Variants in ARHGAP44 observed in about 807,000 individuals in gnomAD.
ARHGAP44 encodes the protein Rho GTPase activating protein 44, also known as rho GTPase-activating protein 44.
ARHGAP44 carries 43 observed loss-of-function variants against 106.8 expected under a neutral mutation model. The observed-to-expected ratio is 0.40, with a 90% confidence interval of 0.32 to 0.52. The LOEUF (loss-of-function observed/expected upper bound fraction) is 0.52. ARHGAP44 is among the 20% of genes least tolerant of loss of function. The pLI, the probability that ARHGAP44 is intolerant of heterozygous loss-of-function variation, is 0.48. For missense variants in ARHGAP44, 866 were observed against 1,050.5 expected (o/e 0.82, Z 2.43); for synonymous variants, 439 against 410.3 (o/e 1.07, Z -0.85).
chr17:12,799,699 T>G (rs1354636726), intron 1 of ARHGAP44, among the ~76,000 whole-genome samples: 1 of 152,188 alleles, frequency 6.6e-6, no homozygotes, highest in Non-Finnish European at 1.5e-5. Context: ...CGTTCAGGTA[T>G]GCTCACTGCA....
In ARHGAP44 at chr17:12,986,673, CAAAAAAAAAAAAA is replaced by C. The variant is rs1045890803; in HGVS notation, c.2317+1782_2317+1794del. ...CTGGCAACAGAGCGAGACTCCATCTCAAAAAAAAAAAAAAAAAAAAAAAAAAAAAGAATGAGCA... is the reference window on the plus strand; with the variant it reads ...CTGGCAACAGAGCGAGACTCCATCTCAAAAAAAAAAAAAAAAGAATGAGCA... On this transcript the variant is annotated intron_variant, in intron 20 of 20. Coordinates refer to ENST00000379672, the MANE Select transcript of ARHGAP44 (RefSeq NM_014859.6). The C allele has an allele frequency of 0.03, 558 of 18,358 alleles. 21 individuals carry two copies. In the South Asian group the frequency reaches 0.32, roughly 10 times the overall value. 1.1% of individuals were successfully genotyped at this position (18,358 alleles called of 1,614,324 possible).
At chr17:12,895,554 G>T (rs112532460) in intron 2 of ARHGAP44, among the ~76,000 whole-genome samples, 3,911 of 152,182 alleles carry the variant, frequency 0.026, 177 homozygotes, top group African/African-American at 0.09. Context: ...ATTTTTTCTT[G>T]TAAATTTGTT....
At chr17:12,970,472 A>G (rs1453015475) in intron 16 of ARHGAP44, among the ~76,000 whole-genome samples, 2 of 151,878 alleles carry the variant, frequency 1.3e-5, no homozygotes, top group Non-Finnish European at 2.9e-5. Flanking sequence ...TAGGCTCCCT[A>G]CCTCCTGCTT....
At chr17:12,861,535 C>T (rs74999020) in intron 1 of ARHGAP44, among the ~76,000 whole-genome samples, 1,758 of 151,998 alleles carry the variant, frequency 0.012, 37 homozygotes, top group African/African-American at 0.04. Context: ...TGGCCCCTTC[C>T]GCCGTCTTCA....
chr17:12,915,271 A>G (rs956291386), intron 4 of ARHGAP44, among the ~76,000 whole-genome samples: 9 of 152,034 alleles, frequency 5.9e-5, no homozygotes, highest in Non-Finnish European at 1.2e-4. Flanking sequence ...ATAACTTTTT[A>G]CTTGAGTTTT....
chr17:12,920,521 C>G (rs900404666), intron 6 of ARHGAP44, among the ~76,000 whole-genome samples: 1 of 151,972 alleles, frequency 6.6e-6, no homozygotes, highest in East Asian at 1.9e-4. Context: ...AAGGTGGCAG[C>G]CTTACAGAGA....
intron 1 of ARHGAP44, among the ~76,000 whole-genome samples, chr17:12,811,597 A>G (rs10451237): frequency 0.11 from 17,381 of 152,190 alleles, 1,280 homozygotes; most frequent in African/African-American, 0.2. Flanking sequence ...TCAAAGGCCA[A>G]CTGTATATAC....
At position 12,991,170 on chromosome 17, in the gene ARHGAP44, C is replaced by T. The variant is rs1414885051; in HGVS notation, c.*999C>T. ...GCCGCTCATTTCCTTCTCATGAAGT[C>T]CCATCTGGTCATGGGGACGAGGGCC... On this transcript the variant is annotated 3_prime_UTR_variant, in exon 21 of 21. Transcript: ENST00000379672. 3 of 152,602 alleles carry T rather than the reference C, an allele frequency of 2.0e-5. No individual in the cohort carries two copies. The highest frequency in any genetic ancestry group is 7.2e-5 in the African/African-American group (3 of 41,452). The allele number at this position is 152,602 out of a possible 1,614,324, so 9.5% of individuals were successfully genotyped here. A position where few individuals can be genotyped will look rare whatever the true frequency, so the allele number is the denominator to read the frequency against.
At chr17:12,938,730 G>GT (rs2038624332) in intron 7 of ARHGAP44, among the ~76,000 whole-genome samples, 1 of 151,998 alleles carries the variant, frequency 6.6e-6, no homozygotes, top group South Asian at 2.1e-4. Flanking sequence ...TTATGAAAGG[G>GT]TTTTTTACCT....
chr17:12,921,542 T>C (rs1420957807), intron 6 of ARHGAP44, among the ~76,000 whole-genome samples: 1 of 152,190 alleles, frequency 6.6e-6, no homozygotes, highest in African/African-American at 2.4e-5. Flanking sequence ...AGACAGGGTC[T>C]CACTGTGTTG....
Position 12,974,149 on chromosome 17 carries a change from G to C in ARHGAP44, c.1602G>C (p.Arg534=), listed in dbSNP as rs1156850176. The C allele has an allele frequency of 2.6e-6, 4 of 1,561,746 alleles. No individual in the cohort carries two copies. In the South Asian group the frequency reaches 4.7e-5, roughly 18 times the overall value. ...CTCGAAGAGGCTCCTCGGCCGGTCG[G>C]AAAGTGTCCTGCGCCCCGCCCTCCA... ...WVARRGSSAG[R]KVSCAPPSMQ... is the part of the protein sequence containing the mutation. Residue 534 remains arginine, a synonymous_variant, in exon 18 of 21, where the codon CGG becomes CGC. Transcript: ENST00000379672.
intron 15 of ARHGAP44, among the ~76,000 whole-genome samples, chr17:12,957,655 C>G (rs1478259776): frequency 6.6e-6 from 1 of 152,112 alleles, no homozygotes; most frequent in Non-Finnish European, 1.5e-5. Context: ...GAGGGAGTTT[C>G]AGAGATGTTC....
At chr17:12,836,614 G>A (rs979158233) in intron 1 of ARHGAP44, among the ~76,000 whole-genome samples, 7 of 151,674 alleles carry the variant, frequency 4.6e-5, no homozygotes, top group South Asian at 2.1e-4. Flanking sequence ...CCGAGATCAC[G>A]CCACTGCACT....
chr17:12,823,238 G>A (rs368728851), intron 1 of ARHGAP44, among the ~76,000 whole-genome samples: 16 of 152,142 alleles, frequency 1.1e-4, no homozygotes, highest in African/African-American at 3.6e-4. Context: ...CTGAGTTGGA[G>A]GAGGTGACTC....
At chr17:12,903,136 AGAGAGTGT>A (rs2037440024) in intron 3 of ARHGAP44, among the ~76,000 whole-genome samples, 1 of 118,622 alleles carries the variant, frequency 8.4e-6, no homozygotes, top group Non-Finnish European at 1.8e-5. Context: ...GGAGAGAGAG[AGAGAGTGT>A]GTGTGTGTGT....
In ARHGAP44 at chr17:12,924,405, G is replaced by A. The variant is rs1231317723; in HGVS notation, c.465-4524G>A. ...ATACGCAAATTTCTTTTTTGTGTGT[G>A]ATAGGTTTGGTTTAGCAGTGCTTAA... is the stretch of plus-strand genomic sequence containing the variant. On this transcript the variant is annotated intron_variant, in intron 6 of 20. Transcript: ENST00000379672. Among the ~76,000 whole-genome samples the A allele has an allele frequency of 2.6e-5, 4 of 152,250 alleles. No individual in the cohort carries two copies. The East Asian group carries it at 7.7e-4, about 29-fold the overall frequency.
intron 16 of ARHGAP44, among the ~76,000 whole-genome samples, chr17:12,969,026 C>T (rs970211675): frequency 2.6e-5 from 4 of 152,136 alleles, no homozygotes; most frequent in African/African-American, 7.2e-5. Flanking sequence ...ACCTTGGCTT[C>T]CCAAAGTGTT....
chr17:12,908,363 A>C (rs2037626106), intron 3 of ARHGAP44, among the ~76,000 whole-genome samples: 1 of 151,616 alleles, frequency 6.6e-6, no homozygotes, highest in South Asian at 2.1e-4. Flanking sequence ...CACCCAGTTA[A>C]TTTTTATGTT....
chr17:12,883,217 T>C (rs1237640646), intron 1 of ARHGAP44, among the ~76,000 whole-genome samples: 1 of 151,672 alleles, frequency 6.6e-6, no homozygotes, highest in Non-Finnish European at 1.5e-5. Flanking sequence ...ATATATCTTT[T>C]AAATCTCTGT....
Sources: allele counts gnomAD v4.1 joint callset (sites outside exome capture counted in the v4.1 genomes callset), GRCh38; gene constraint gnomAD v4.1.1; transcripts MANE v1.5; gene names NCBI Gene and HGNC (gene_info 2026-07-23, HGNC 2026-07-21).